The following KLHL29 variants were observed in gnomAD, a reference collection of about 807,000 sequenced individuals.
KLHL29 encodes the protein kelch like family member 29.
In KLHL29, 21 loss-of-function variants were observed where a neutral mutation model predicts 80.4. That is an observed-to-expected ratio of 0.26 (90% CI 0.19 to 0.38). The LOEUF (loss-of-function observed/expected upper bound fraction) is 0.38. KLHL29 is among the 10% of genes least tolerant of loss of function. The probability of loss-of-function intolerance (pLI) is 1.00; values close to 1 mark genes in which losing one functional copy is unlikely to be tolerated. For synonymous variants in KLHL29, 511 were observed against 526.8 expected (o/e 0.97, Z 0.41); for missense variants, 867 against 1,223.9 (o/e 0.71, Z 4.35).
intron 3 of KLHL29, among the ~76,000 whole-genome samples, chr2:23,598,868 C>T (rs1041876027): frequency 6.6e-6 from 1 of 152,202 alleles, no homozygotes; most frequent in African/African-American, 2.4e-5. Flanking sequence ...TCTGTGTCCC[C>T]CAAGTCATAG....
At position 23,593,643 on chromosome 2, in the gene KLHL29, G is replaced by A. The variant is rs560034765; in HGVS notation, c.285+31162G>A. 5.9e-5 allele frequency among the ~76,000 whole-genome samples: 9 copies of A among 152,314 alleles called. No homozygotes were observed. The South Asian group carries it at 1.5e-3, about 25-fold the overall frequency. On this transcript the variant is annotated intron_variant, in intron 3 of 13. Coordinates refer to ENST00000486442, the MANE Select transcript of KLHL29 (RefSeq NM_052920.2). Reference sequence around the variant, plus strand: ...CGTCAGACCCCTCGGGGAACGTGGGGTCAGGACCAGGGTGGTCCAGGGAGC... The same window carrying A: ...CGTCAGACCCCTCGGGGAACGTGGGATCAGGACCAGGGTGGTCCAGGGAGC...
intron 1 of KLHL29, among the ~76,000 whole-genome samples, chr2:23,467,322 T>A (rs1215482566): frequency 2.0e-5 from 3 of 152,238 alleles, no homozygotes; most frequent in South Asian, 2.1e-4. Context: ...CAGAATTAGC[T>A]TCTCATTCTA....
intron 1 of KLHL29, among the ~76,000 whole-genome samples, chr2:23,422,367 G>A (rs1342487603): frequency 6.6e-6 from 1 of 151,808 alleles, no homozygotes; most frequent in Non-Finnish European, 1.5e-5. Flanking sequence ...GTTTGTGTGT[G>A]TGTGTCTGTG....
chr2:23,662,875 G>C (rs542101532), intron 5 of KLHL29, among the ~76,000 whole-genome samples: 7 of 152,342 alleles, frequency 4.6e-5, no homozygotes, highest in African/African-American at 1.7e-4. Flanking sequence ...CACAGCGGTG[G>C]GTTGAAAGCC....
At chr2:23,478,959 G>T (rs945792311) in intron 2 of KLHL29, among the ~76,000 whole-genome samples, 1 of 151,132 alleles carries the variant, frequency 6.6e-6, no homozygotes, top group African/African-American at 2.4e-5. Flanking sequence ...CTCTCTGACC[G>T]CACTCCCCTG....
intron 1 of KLHL29, among the ~76,000 whole-genome samples, chr2:23,424,875 C>T (rs903316484): frequency 1.3e-5 from 2 of 152,182 alleles, no homozygotes; most frequent in African/African-American, 4.8e-5. Context: ...CTCAAAAATG[C>T]ACGAATTCTA....
intron 1 of KLHL29, among the ~76,000 whole-genome samples, chr2:23,430,448 A>G (rs2033769): frequency 0.47 from 71,753 of 152,032 alleles, 17,930 homozygotes; most frequent in African/African-American, 0.65. Context: ...AAAGGAATCT[A>G]TTGCTTGTTT....
At chr2:23,482,100 C>T (rs188998339) in intron 2 of KLHL29, among the ~76,000 whole-genome samples, 3 of 152,210 alleles carry the variant, frequency 2.0e-5, no homozygotes, top group Admixed American at 2.0e-4. Context: ...CGGAGATTGT[C>T]AACAAAAGGC....
At chr2:23,559,182 A>G (rs1274751579) in intron 2 of KLHL29, among the ~76,000 whole-genome samples, 1 of 152,204 alleles carries the variant, frequency 6.6e-6, no homozygotes, top group Non-Finnish European at 1.5e-5. Flanking sequence ...GAAAGGGGAC[A>G]TGAGGCTTCA....
chr2:23,657,006 C>CTAGTCT (rs1225438129), intron 5 of KLHL29, among the ~76,000 whole-genome samples: 1 of 151,442 alleles, frequency 6.6e-6, no homozygotes, highest in Non-Finnish European at 1.5e-5. Context: ...CTGTGAACCT[C>CTAGTCT]TAGTCTTAGG....
chr2:23,518,174 G>A (rs79652330), intron 2 of KLHL29, among the ~76,000 whole-genome samples: 79 of 152,308 alleles, frequency 5.2e-4, no homozygotes, highest in African/African-American at 1.7e-3. Flanking sequence ...CAGCCCCTCC[G>A]TGGGGACCCA....
At chr2:23,574,355 A>G (rs1210940013) in intron 3 of KLHL29, among the ~76,000 whole-genome samples, 1 of 152,138 alleles carries the variant, frequency 6.6e-6, no homozygotes, top group Non-Finnish European at 1.5e-5. Flanking sequence ...GACCGGCTGA[A>G]TGACTTTAAG....
chr2:23,428,804 G>A (rs1192280842), intron 1 of KLHL29, among the ~76,000 whole-genome samples: 7 of 152,198 alleles, frequency 4.6e-5, no homozygotes, highest in South Asian at 4.1e-4. Context: ...ATTTGGGGCC[G>A]TTGGCTCCCC....
chr2:23,585,119 TG>T (rs34248592), intron 3 of KLHL29, among the ~76,000 whole-genome samples: 1 of 152,320 alleles, frequency 6.6e-6, no homozygotes, highest in East Asian at 1.9e-4. Flanking sequence ...GCTGTCAGAT[TG>T]GGTACACACC....
intron 1 of KLHL29, among the ~76,000 whole-genome samples, chr2:23,420,766 C>G (rs1387126560): frequency 1.3e-5 from 2 of 152,164 alleles, no homozygotes; most frequent in Non-Finnish European, 2.9e-5. Flanking sequence ...CACCCTTTTC[C>G]AGAAATGGCA....
intron 1 of KLHL29, among the ~76,000 whole-genome samples, chr2:23,462,244 T>C (rs531824787): frequency 1.3e-5 from 2 of 152,116 alleles, no homozygotes; most frequent in South Asian, 2.1e-4. Flanking sequence ...TTTGAAAACA[T>C]TGGCAGAGTT....
rs1672784848 is a variant in KLHL29, at chr2:23,707,220, C to T, written c.*556C>T. Reference sequence around the variant, plus strand: ...TGGGGCTGAAGAGAAGCCCAGCTGCCCACGCGGAGCCAGGGGTGGCAGCTG... The same window carrying T: ...TGGGGCTGAAGAGAAGCCCAGCTGCTCACGCGGAGCCAGGGGTGGCAGCTG... On this transcript the variant is annotated 3_prime_UTR_variant, in exon 14 of 14. Coordinates refer to ENST00000486442, the MANE Select transcript of KLHL29 (RefSeq NM_052920.2). 1 of 152,266 alleles carries T rather than the reference C, an allele frequency of 6.6e-6. No individual in the cohort carries two copies. Among genetic ancestry groups the T allele is most frequent in the Admixed American group, 6.5e-5 (1 of 15,288 alleles). The allele number at this position is 152,266 out of a possible 1,614,324, so 9.4% of individuals were successfully genotyped here. A position where few individuals can be genotyped will look rare whatever the true frequency, so the allele number is the denominator to read the frequency against.
At chr2:23,450,427 A>C (rs1663843076) in intron 1 of KLHL29, among the ~76,000 whole-genome samples, 1 of 152,156 alleles carries the variant, frequency 6.6e-6, no homozygotes, top group Non-Finnish European at 1.5e-5. Flanking sequence ...CTGTGCTGTG[A>C]GACAGATCAG....
At chr2:23,641,088 C>T (rs1016836460) in intron 4 of KLHL29, among the ~76,000 whole-genome samples, 1 of 152,044 alleles carries the variant, frequency 6.6e-6, no homozygotes, top group African/African-American at 2.4e-5. Context: ...AACCAAGGTA[C>T]CATTTGGGCC....
Sources: gnomAD v4.1 joint callset for allele counts (sites outside exome capture counted in the v4.1 genomes callset) on GRCh38, gnomAD v4.1.1 for gene constraint, MANE v1.5 for transcripts, NCBI Gene and HGNC (gene_info 2026-07-23, HGNC 2026-07-21) for gene names.